C1QTNF5: variants seen among roughly 807,000 people sequenced by gnomAD.
C1QTNF5 encodes complement C1q tumor necrosis factor-related protein 5.
In C1QTNF5, 5 loss-of-function variants were observed where a neutral mutation model predicts 10.9. The ratio of observed to expected loss-of-function variants is 0.46; its 90% CI spans 0.24 to 0.97. C1QTNF5 has a LOEUF of 0.97. Among genes scored for constraint, C1QTNF5 ranks in the 50% least tolerant of loss-of-function variants. The pLI, the probability that C1QTNF5 is intolerant of heterozygous loss-of-function variation, is 0.19. For synonymous variants in C1QTNF5, 161 were observed against 156.5 expected (o/e 1.03, Z -0.22); for missense variants, 281 against 339.4 (o/e 0.83, Z 1.35).
the C1QTNF5 span, chr11:119,346,003 T>C: frequency 6.2e-7 from 1 of 1,612,930 alleles, no homozygotes; most frequent in Non-Finnish European, 8.5e-7. Context: ...CTCATGGAGT[T>C]TCATTCCAAA....
chr11:119,340,083 C>A (rs1950485756), intron 2 of C1QTNF5, 101 bp downstream of exon 2: 2 of 1,368,210 alleles, frequency 1.5e-6, no homozygotes, highest in East Asian at 5.8e-5. Flanking sequence ...CGGGGAGTGG[C>A]GCCCCCTGGC....
chr11:119,340,513 C>T, intron 1 of C1QTNF5, 73 bp from the exon 2 acceptor site: 1 of 1,141,642 alleles, frequency 8.8e-7, no homozygotes, highest in Non-Finnish European at 1.2e-6. Flanking sequence ...CCGGCGCGGC[C>T]CAGTCGGTCC....
chr11:119,345,006 T>A, upstream of C1QTNF5: 1 of 1,603,454 alleles, frequency 6.2e-7, no homozygotes, highest in Non-Finnish European at 8.5e-7. Flanking sequence ...CCACAAACCC[T>A]GCAAGAAGCC....
At chr11:119,341,785 A>T, upstream of C1QTNF5, 1 of 1,613,194 alleles carries the variant, frequency 6.2e-7, no homozygotes, top group South Asian at 1.1e-5. Flanking sequence ...GCGGAGGGAG[A>T]GTGGCCTTCA....
chr11:119,343,890 A>C, upstream of C1QTNF5: 1 of 1,613,672 alleles, frequency 6.2e-7, no homozygotes, highest in South Asian at 1.1e-5. Context: ...ACTCGTCCTG[A>C]GCCTCCAGGC....
At chr11:119,346,342 CT>C in the C1QTNF5 span, 1 of 1,614,066 alleles carries the variant, frequency 6.2e-7, no homozygotes. Context: ...GTGGCCCAGA[CT>C]CAGGCTCGAA....
chr11:119,343,683 G>T, upstream of C1QTNF5: 1 of 1,139,588 alleles, frequency 8.8e-7, no homozygotes, highest in Non-Finnish European at 1.3e-6. Context: ...TAGGGTGATG[G>T]TGAAGAGACC....
upstream of C1QTNF5, chr11:119,343,139 G>A (rs963192118): frequency 9.0e-6 from 10 of 1,114,582 alleles, no homozygotes; most frequent in East Asian, 2.3e-4. Flanking sequence ...GTTAGGGTCT[G>A]GCGAGAAAGA....
chr11:119,345,753 G>T (rs1468414723), upstream of C1QTNF5: 1 of 1,613,454 alleles, frequency 6.2e-7, no homozygotes. Flanking sequence ...TCTCCCGGAA[G>T]ATCTGCCCCC....
chr11:119,346,596 T>C, the C1QTNF5 span: 2 of 1,421,720 alleles, frequency 1.4e-6, no homozygotes, highest in East Asian at 4.5e-5. Context: ...ACAAACTCCC[T>C]GTCAGAGGGG....
chr11:119,345,447 G>T (rs761362099), upstream of C1QTNF5: 5 of 1,614,002 alleles, frequency 3.1e-6, no homozygotes, highest in Admixed American at 1.7e-5. Context: ...AGGCTCAGGG[G>T]AGAGTTCCAA....
upstream of C1QTNF5, chr11:119,345,621 A>G: frequency 6.2e-7 from 1 of 1,613,640 alleles, no homozygotes; most frequent in South Asian, 1.1e-5. Flanking sequence ...GCCAGAGAGG[A>G]GGCCTCCACA....
chr11:119,341,177 CAG>C, upstream of C1QTNF5: 1 of 293,982 alleles, frequency 3.4e-6, no homozygotes, highest in Middle Eastern at 1.1e-3. Flanking sequence ...GGGCCTAGGA[CAG>C]GGGCCTGCCA....
the C1QTNF5 span, chr11:119,346,249 A>G: frequency 6.3e-7 from 1 of 1,595,400 alleles, no homozygotes; most frequent in Non-Finnish European, 8.5e-7. Flanking sequence ...GTCCTCCCCC[A>G]GGTCACCCCC....
chr11:119,346,273 A>G, the C1QTNF5 span: 3 of 1,612,162 alleles, frequency 1.9e-6, no homozygotes, highest in Non-Finnish European at 2.5e-6. Context: ...GATGGTTACC[A>G]TGCCAGGGAG....
chr11:119,344,604 A>G, upstream of C1QTNF5: 1 of 1,613,870 alleles, frequency 6.2e-7, no homozygotes. Flanking sequence ...AGACGCCTGA[A>G]GAGAGGACCC....
chr11:119,344,043 C>T, upstream of C1QTNF5: 2 of 1,578,264 alleles, frequency 1.3e-6, no homozygotes, highest in Non-Finnish European at 1.7e-6. Context: ...TCTTCTTCCC[C>T]CACTGCTGGC....
upstream of C1QTNF5, chr11:119,345,900 C>A (rs370696881): frequency 3.1e-6 from 5 of 1,613,556 alleles, no homozygotes; most frequent in South Asian, 5.5e-5. Context: ...GGCTATGGGA[C>A]GCCCCAGATG....
chr11:119,344,409 G>C (rs770635859), upstream of C1QTNF5: 1 of 1,611,270 alleles, frequency 6.2e-7, no homozygotes, highest in Admixed American at 1.7e-5. Flanking sequence ...GAGGTGGAAG[G>C]GCTCATGAGT....
Sources: gnomAD v4.1 joint callset for allele counts on GRCh38, gnomAD v4.1.1 for gene constraint, MANE v1.5 for transcripts, NCBI Gene and HGNC (gene_info 2026-07-23, HGNC 2026-07-21) for gene names.